Variants in SEC63 observed in about 807,000 individuals in gnomAD.
SEC63 encodes the protein translocation protein SEC63 homolog.
A neutral mutation model predicts 116.2 loss-of-function variants in SEC63; 56 were observed. That is an observed-to-expected ratio of 0.48 (90% CI 0.39 to 0.60). The LOEUF (loss-of-function observed/expected upper bound fraction) is 0.60. Ranked by LOEUF, SEC63 falls within the 20% of genes least tolerant of loss-of-function variation. SEC63 has a pLI of 0.00. For missense variants in SEC63, 668 were observed against 900.0 expected (o/e 0.74, Z 3.30); for synonymous variants, 273 against 294.6 (o/e 0.93, Z 0.75).
At chr6:107,876,492 AGAT>A in intron 19 of SEC63, 69 bp downstream of exon 19, 1 of 918,894 alleles carries the variant, frequency 1.1e-6, no homozygotes, top group Non-Finnish European at 1.8e-6. Flanking sequence ...TTTAAAAAAA[AGAT>A]ATATGAAGCA....
At chr6:107,938,230 T>A in intron 1 of SEC63, among the ~76,000 whole-genome samples, 1 of 148,550 alleles carries the variant, frequency 6.7e-6, no homozygotes, top group Non-Finnish European at 1.5e-5. Flanking sequence ...TTTAATATAT[T>A]TCATCCTGGT....
intron 2 of SEC63, among the ~76,000 whole-genome samples, chr6:107,929,088 T>G (rs149714869): frequency 4.6e-5 from 7 of 152,368 alleles, no homozygotes; most frequent in Non-Finnish European, 1.0e-4. Context: ...AACTTGTTCA[T>G]GTCACCTCTC....
chr6:107,876,598 G>A lies in SEC63; in HGVS notation c.2000C>T (p.Pro667Leu). The change falls in exon 19 of 21, where the codon CCA becomes CTA. Residue 667 changes from proline (P) to leucine (L), a missense_variant. Physicochemically the swap from Pro to Leu is moderately conservative, Grantham distance 98 (BLOSUM62 -3). Coordinates refer to ENST00000369002, the MANE Select transcript of SEC63 (RefSeq NM_007214.5). ...ATCTTTCAGCGTACACACATGATAT[G>A]GCATGGATATTAATGTCTGCTCCTT... ...DRKEQTLISM[P>L]YHVCTLKDTE... is the part of the protein sequence containing the mutation. 2 of 1,601,666 alleles carry A rather than the reference G, an allele frequency of 1.2e-6. No individual in the cohort carries two copies. Among genetic ancestry groups the A allele is most frequent in the Non-Finnish European group, 1.7e-6 (2 of 1,175,962 alleles).
intron 3 of SEC63, among the ~76,000 whole-genome samples, chr6:107,923,711 G>T (rs9486748): frequency 0.83 from 116,984 of 141,248 alleles, 47,416 homozygotes; most frequent in Middle Eastern, 0.9. Context: ...TTTTTTTTTT[G>T]ATACAGCCTG....
At chr6:107,902,144 T>C (rs1331068004) in intron 12 of SEC63, among the ~76,000 whole-genome samples, 1 of 152,146 alleles carries the variant, frequency 6.6e-6, no homozygotes, top group Non-Finnish European at 1.5e-5. Context: ...TCTCTGCTTT[T>C]AGATTCTGAA....
chr6:107,953,537 C>G (rs1194570124), intron 1 of SEC63, among the ~76,000 whole-genome samples: 5 of 136,534 alleles, frequency 3.7e-5, no homozygotes, highest in South Asian at 4.8e-4. Flanking sequence ...GTCAGCCCCC[C>G]GCCCGGCCAG....
chr6:107,882,084 C>T (rs200873216), intron 17 of SEC63, among the ~76,000 whole-genome samples: 5 of 152,160 alleles, frequency 3.3e-5, no homozygotes, highest in Non-Finnish European at 5.9e-5. Flanking sequence ...TCTCCAAGTA[C>T]AAAAACAGCC....
At chr6:107,944,130 T>C (rs1770433566) in intron 1 of SEC63, among the ~76,000 whole-genome samples, 1 of 152,070 alleles carries the variant, frequency 6.6e-6, no homozygotes, top group Non-Finnish European at 1.5e-5. Flanking sequence ...GAGAAAGAGA[T>C]GAATCAAGAG....
chr6:107,935,446 A>G (rs928667513), intron 1 of SEC63, among the ~76,000 whole-genome samples: 13 of 151,258 alleles, frequency 8.6e-5, no homozygotes, highest in Admixed American at 8.6e-4. Context: ...TTCTGTACTA[A>G]GAAAAATTCT....
At chr6:107,911,519 G>C (rs1787283622) in intron 6 of SEC63, 123 bp from the exon 7 acceptor site, 2 of 717,550 alleles carry the variant, frequency 2.8e-6, no homozygotes, top group South Asian at 3.1e-5. Flanking sequence ...GTATTATCTT[G>C]TTTAATCCTT....
intron 18 of SEC63, among the ~76,000 whole-genome samples, chr6:107,878,428 A>G (rs937700429): frequency 7.2e-5 from 11 of 152,266 alleles, no homozygotes; most frequent in Admixed American, 1.3e-4. Flanking sequence ...TGTCAGAAAC[A>G]TCATTACAAC....
chr6:107,933,485 C>G (rs976967077), intron 1 of SEC63, among the ~76,000 whole-genome samples: 2 of 152,174 alleles, frequency 1.3e-5, no homozygotes, highest in African/African-American at 4.8e-5. Context: ...CATACAAGAA[C>G]ACAGAATCAG....
intron 3 of SEC63, among the ~76,000 whole-genome samples, chr6:107,922,598 T>G (rs1263183089): frequency 6.6e-6 from 1 of 152,210 alleles, no homozygotes; most frequent in Non-Finnish European, 1.5e-5. Flanking sequence ...AGGTTAACTT[T>G]CTAAGGAATA....
intron 18 of SEC63, among the ~76,000 whole-genome samples, chr6:107,878,218 G>A (rs998081862): frequency 6.6e-6 from 1 of 152,208 alleles, no homozygotes; most frequent in African/African-American, 2.4e-5. Flanking sequence ...ACAGAAACCT[G>A]GGTTATTTCA....
chr6:107,947,912 A>G (rs550560946), intron 1 of SEC63, among the ~76,000 whole-genome samples: 228 of 152,240 alleles, frequency 1.5e-3, no homozygotes, highest in African/African-American at 5.1e-3. Context: ...CAAACTGACC[A>G]TGTTTTATTA....
intron 16 of SEC63, among the ~76,000 whole-genome samples, chr6:107,886,141 A>C (rs951354997): frequency 4.6e-5 from 7 of 152,186 alleles, no homozygotes; most frequent in African/African-American, 1.7e-4. Context: ...TAGTTTGCTG[A>C]GAATGATGGT....
intron 7 of SEC63, 131 bp downstream of exon 7, chr6:107,911,215 A>G: frequency 1.4e-6 from 1 of 722,718 alleles, no homozygotes; most frequent in South Asian, 1.6e-5. Flanking sequence ...CCTCACCTTC[A>G]GTGGCAAGAC....
chr6:107,913,633 G>T (rs1282919794), intron 4 of SEC63, among the ~76,000 whole-genome samples: 1 of 152,160 alleles, frequency 6.6e-6, no homozygotes, highest in Non-Finnish European at 1.5e-5. Context: ...ATTGCGTCTT[G>T]ATACTAATTC....
At chr6:107,932,480 A>G (rs1333027025) in intron 1 of SEC63, among the ~76,000 whole-genome samples, 1 of 152,204 alleles carries the variant, frequency 6.6e-6, no homozygotes, top group African/African-American at 2.4e-5. Flanking sequence ...AGTATCAGGA[A>G]GAGGGAGAGA....
Sources: gnomAD v4.1 joint callset for allele counts (sites outside exome capture counted in the v4.1 genomes callset) on GRCh38, gnomAD v4.1.1 for gene constraint, MANE v1.5 for transcripts, NCBI Gene and HGNC (gene_info 2026-07-23, HGNC 2026-07-21) for gene names.